The following CDK14 variants were observed in gnomAD, a reference collection of about 807,000 sequenced individuals.
CDK14 encodes the protein cyclin-dependent kinase 14.
Under a neutral mutation model 60.7 loss-of-function variants are expected in CDK14, and 34 were observed. The observed-to-expected ratio is 0.56, with a 90% CI of 0.43 to 0.75. CDK14 has a LOEUF of 0.75. Ranked by LOEUF, CDK14 falls within the 30% of genes least tolerant of loss-of-function variation. The probability of loss-of-function intolerance (pLI) is 0.00; values close to 1 mark genes in which losing one functional copy is unlikely to be tolerated. For missense variants in CDK14, 482 were observed against 564.1 expected (o/e 0.85, Z 1.47); for synonymous variants, 197 against 203.7 (o/e 0.97, Z 0.28).
chr7:90,750,605 G>A (rs1168392033), intron 4 of CDK14, among the ~76,000 whole-genome samples: 2 of 152,328 alleles, frequency 1.3e-5, no homozygotes, highest in East Asian at 3.9e-4. Context: ...GGACGTGGTG[G>A]CTCACACTTG....
chr7:90,670,833 A>G (rs911876430), intron 2 of CDK14, among the ~76,000 whole-genome samples: 3 of 152,104 alleles, frequency 2.0e-5, no homozygotes, highest in Non-Finnish European at 4.4e-5. Flanking sequence ...CAGATATCCA[A>G]ATCATATCAT....
intron 14 of CDK14, among the ~76,000 whole-genome samples, chr7:91,138,995 A>T (rs1800365343): frequency 6.6e-6 from 1 of 152,176 alleles, no homozygotes; most frequent in Admixed American, 6.5e-5. Context: ...AATAACAAGC[A>T]GACATCATTC....
intron 14 of CDK14, among the ~76,000 whole-genome samples, chr7:91,206,207 G>GC (rs2116025109): frequency 6.6e-6 from 1 of 152,332 alleles, no homozygotes; most frequent in East Asian, 1.9e-4. Flanking sequence ...TGTGTGTGCA[G>GC]CAGCAGGACA....
intron 13 of CDK14, among the ~76,000 whole-genome samples, chr7:91,113,723 ATC>A (rs1799534914): frequency 6.6e-6 from 1 of 152,194 alleles, no homozygotes; most frequent in African/African-American, 2.4e-5. Flanking sequence ...TCTTTCATCC[ATC>A]ATAATATTGG....
chr7:90,691,575 C>A (rs1301608533), intron 2 of CDK14, among the ~76,000 whole-genome samples: 1 of 152,006 alleles, frequency 6.6e-6, no homozygotes, highest in Non-Finnish European at 1.5e-5. Flanking sequence ...GTAAAATTGG[C>A]CTTTATTCTG....
chr7:90,671,229 A>G (rs1305821195), intron 2 of CDK14, among the ~76,000 whole-genome samples: 1 of 151,972 alleles, frequency 6.6e-6, no homozygotes, highest in Non-Finnish European at 1.5e-5. Context: ...GATTTCCACC[A>G]TACTGAATTT....
intron 14 of CDK14, among the ~76,000 whole-genome samples, chr7:91,188,386 T>C (rs1227062112): frequency 1.3e-5 from 2 of 152,166 alleles, no homozygotes; most frequent in Admixed American, 6.5e-5. Context: ...GCTTATCTCC[T>C]CCCAAACTAA....
chr7:90,886,056 G>T (rs1045353470), intron 6 of CDK14, among the ~76,000 whole-genome samples: 8 of 151,916 alleles, frequency 5.3e-5, no homozygotes, highest in African/African-American at 1.9e-4. Flanking sequence ...AATAATTTTT[G>T]GATAAATTTA....
intron 2 of CDK14, among the ~76,000 whole-genome samples, chr7:90,685,649 A>ATTTT (rs66912750): frequency 3.0e-4 from 30 of 101,682 alleles, no homozygotes; most frequent in Non-Finnish European, 3.6e-4. Context: ...CAGCCAATTA[A>ATTTT]TTTTTTTTTT....
intron 2 of CDK14, among the ~76,000 whole-genome samples, chr7:90,653,210 G>C (rs1055290325): frequency 1.3e-5 from 2 of 151,980 alleles, no homozygotes; most frequent in South Asian, 4.2e-4. Context: ...CCCCACTTAG[G>C]CTTCTAGAGC....
chr7:90,874,127 C>A (rs1791469489), intron 6 of CDK14, among the ~76,000 whole-genome samples: 1 of 152,136 alleles, frequency 6.6e-6, no homozygotes, highest in African/African-American at 2.4e-5. Flanking sequence ...ATGCCCTTCC[C>A]CTCTTCCCTG....
chr7:90,959,046 C>T (rs1339650520), intron 9 of CDK14, among the ~76,000 whole-genome samples: 1 of 152,044 alleles, frequency 6.6e-6, no homozygotes, highest in Non-Finnish European at 1.5e-5. Flanking sequence ...GTCACTTTTT[C>T]TTCCTCGTGT....
At chr7:90,783,418 C>T (rs1356469847) in intron 4 of CDK14, among the ~76,000 whole-genome samples, 1 of 152,036 alleles carries the variant, frequency 6.6e-6, no homozygotes, top group Non-Finnish European at 1.5e-5. Flanking sequence ...GAAGCATTTC[C>T]CAATGTTTTC....
chr7:90,762,717 G>A (rs577981707), intron 4 of CDK14, among the ~76,000 whole-genome samples: 45 of 152,304 alleles, frequency 3.0e-4, no homozygotes, highest in African/African-American at 1.0e-3. Context: ...CCGGTGTGGT[G>A]GCTCACCCTT....
intron 4 of CDK14, among the ~76,000 whole-genome samples, chr7:90,752,067 A>G (rs1803867352): frequency 2.6e-5 from 4 of 152,196 alleles, no homozygotes; most frequent in Admixed American, 1.3e-4. Context: ...TTAGCCACAC[A>G]ATAATAGTGG....
At chr7:90,701,739 G>T (rs1388186966) in intron 2 of CDK14, among the ~76,000 whole-genome samples, 1 of 152,160 alleles carries the variant, frequency 6.6e-6, no homozygotes, top group African/African-American at 2.4e-5. Flanking sequence ...TTATTGGGAA[G>T]AGAAGTATTG....
chr7:91,173,242 C>A (rs547753312), intron 14 of CDK14, among the ~76,000 whole-genome samples: 1 of 152,252 alleles, frequency 6.6e-6, no homozygotes, highest in East Asian at 1.9e-4. Flanking sequence ...GATGCATCAA[C>A]TAAGTTGGGG....
At chr7:90,688,552 G>A (rs1801487921) in intron 2 of CDK14, among the ~76,000 whole-genome samples, 1 of 152,126 alleles carries the variant, frequency 6.6e-6, no homozygotes, top group Admixed American at 6.6e-5. Context: ...GCACGTTAAA[G>A]CACCTAGGTA....
chr7:90,803,391 A>C (rs536493824), intron 5 of CDK14, among the ~76,000 whole-genome samples: 243 of 152,286 alleles, frequency 1.6e-3, no homozygotes, highest in Non-Finnish European at 2.9e-3. Context: ...GCCTCTAAAA[A>C]GGTTTTGGCA....
Sources: gnomAD v4.1 joint callset for allele counts (sites outside exome capture counted in the v4.1 genomes callset) on GRCh38, gnomAD v4.1.1 for gene constraint, MANE v1.5 for transcripts, NCBI Gene and HGNC (gene_info 2026-07-23, HGNC 2026-07-21) for gene names.